The following SLC4A1AP variants were observed in gnomAD, a reference collection of about 807,000 sequenced individuals.
The protein encoded by SLC4A1AP is kanadaptin.
A neutral mutation model predicts 89.7 loss-of-function variants in SLC4A1AP; 64 were observed. The observed-to-expected ratio is 0.71, with a 90% CI of 0.58 to 0.88. SLC4A1AP has a LOEUF of 0.88. Ranked by LOEUF, SLC4A1AP falls within the 40% of genes least tolerant of loss-of-function variation. SLC4A1AP has a pLI of 0.00. For synonymous variants in SLC4A1AP, 366 were observed against 353.3 expected (o/e 1.04, Z -0.40); for missense variants, 931 against 965.0 (o/e 0.96, Z 0.47).
chr2:27,669,497 G>A (rs938459077), intron 5 of SLC4A1AP, 110 bp downstream of exon 5: 3 of 1,092,138 alleles, frequency 2.7e-6, no homozygotes, highest in African/African-American at 3.2e-5. Flanking sequence ...AAAATTTTTT[G>A]AAGTGAAAAG....
At chr2:27,665,713 T>C (rs896685572) in intron 2 of SLC4A1AP, among the ~76,000 whole-genome samples, 1 of 152,230 alleles carries the variant, frequency 6.6e-6, no homozygotes, top group South Asian at 2.1e-4. Flanking sequence ...TGTGAAGATA[T>C]CCTGAAATGT....
chr2:27,694,190 T>C (rs899706912), intron 13 of SLC4A1AP, among the ~76,000 whole-genome samples: 1 of 152,174 alleles, frequency 6.6e-6, no homozygotes, highest in Admixed American at 6.5e-5. Flanking sequence ...TGGATACTTA[T>C]ATATAAAATG....
intron 10 of SLC4A1AP, among the ~76,000 whole-genome samples, chr2:27,687,619 C>G (rs1225376907): frequency 6.6e-6 from 1 of 151,964 alleles, no homozygotes; most frequent in Admixed American, 6.6e-5. Flanking sequence ...TGGTGGTCAT[C>G]TCTGATTTTT....
chr2:27,683,464 T>G (rs1183719753), intron 9 of SLC4A1AP, among the ~76,000 whole-genome samples: 1 of 152,212 alleles, frequency 6.6e-6, no homozygotes, highest in Non-Finnish European at 1.5e-5. Context: ...GGCTGCCCTC[T>G]TGCTGGCTCT....
chr2:27,682,482 C>CTTGGTATG, intron 9 of SLC4A1AP, 123 bp downstream of exon 9: 1 of 565,042 alleles, frequency 1.8e-6, no homozygotes, highest in Non-Finnish European at 3.1e-6. Flanking sequence ...GGGCTGTGGG[C>CTTGGTATG]TTGGTATGAT....
intron 2 of SLC4A1AP, among the ~76,000 whole-genome samples, chr2:27,665,896 C>A (rs577678648): frequency 1.3e-5 from 2 of 152,154 alleles, no homozygotes; most frequent in South Asian, 4.1e-4. Context: ...TGCTAAGTGC[C>A]AAACAAAAGC....
intron 12 of SLC4A1AP, among the ~76,000 whole-genome samples, chr2:27,691,122 T>C (rs1675780364): frequency 6.6e-6 from 1 of 152,178 alleles, no homozygotes; most frequent in Non-Finnish European, 1.5e-5. Flanking sequence ...TGGTACCAAT[T>C]CTTCCTTGAA....
intron 8 of SLC4A1AP, among the ~76,000 whole-genome samples, chr2:27,681,804 C>T (rs1366753963): frequency 6.6e-6 from 1 of 152,128 alleles, no homozygotes; most frequent in Non-Finnish European, 1.5e-5. Context: ...ATACTGTACC[C>T]CCATCCCCAT....
intron 5 of SLC4A1AP, 52 bp from the exon 6 acceptor site, chr2:27,675,480 T>C: frequency 1.5e-6 from 2 of 1,346,232 alleles, no homozygotes; most frequent in Non-Finnish European, 2.0e-6. Flanking sequence ...CCTTCTTTCT[T>C]TTTCTTTTCT....
At chr2:27,670,198 G>A (rs536355195) in intron 5 of SLC4A1AP, among the ~76,000 whole-genome samples, 3 of 149,072 alleles carry the variant, frequency 2.0e-5, no homozygotes, top group South Asian at 2.1e-4. Flanking sequence ...AGGTTTCACC[G>A]TGTTGACCAG....
exon 5 of SLC4A1AP, chr2:27,669,272 A>G: frequency 1.2e-6 from 2 of 1,612,358 alleles, no homozygotes; most frequent in Non-Finnish European, 1.7e-6. Context: ...ATTCAACTGG[A>G]AAACAACTGG....
At position 27,664,077 on chromosome 2, in the gene SLC4A1AP, C is replaced by T. The variant is rs1339061099; in HGVS notation, c.325C>T (p.Gln109Ter). 5 of 1,614,086 alleles carry T rather than the reference C, an allele frequency of 3.1e-6. No individual in the cohort carries two copies. In the African/African-American group the frequency reaches 5.3e-5, roughly 17 times the overall value. Reference sequence around the variant, plus strand: ...ACAGAAGGAAGGGCCCACTGCGTTGCAGGACTCCAATTCTGGGGAGCCCGA... The same window carrying T: ...ACAGAAGGAAGGGCCCACTGCGTTGTAGGACTCCAATTCTGGGGAGCCCGA... The change falls in exon 1 of 14, where the codon CAG becomes TAG. Residue 109 changes from glutamine (Q) to a stop codon, truncating the protein, a stop_gained. Coordinates refer to ENST00000613058, the Ensembl canonical transcript of SLC4A1AP. LOFTEE classifies it high-confidence loss of function.
At chr2:27,669,625 T>C (rs1675389001) in intron 5 of SLC4A1AP, among the ~76,000 whole-genome samples, 1 of 152,104 alleles carries the variant, frequency 6.6e-6, no homozygotes, top group African/African-American at 2.4e-5. Context: ...CATACACAAA[T>C]GTAGTCATAT....
exon 12 of SLC4A1AP, chr2:27,688,725 C>G (rs780856889): frequency 6.2e-7 from 1 of 1,603,600 alleles, no homozygotes; most frequent in African/African-American, 1.4e-5. Flanking sequence ...ATGAGAAAAG[C>G]AGAGGTGAAT....
intron 6 of SLC4A1AP, among the ~76,000 whole-genome samples, chr2:27,676,701 G>A (rs935279616): frequency 2.6e-5 from 4 of 151,692 alleles, no homozygotes; most frequent in Admixed American, 2.0e-4. Flanking sequence ...GTGGTGGTGT[G>A]TGCCTGTAGT....
intron 5 of SLC4A1AP, among the ~76,000 whole-genome samples, chr2:27,675,168 A>G (rs920152933): frequency 1.3e-5 from 2 of 152,230 alleles, no homozygotes; most frequent in African/African-American, 4.8e-5. Context: ...TTATGGAACC[A>G]TCAACACTGT....
chr2:27,671,910 T>G (rs115986812), intron 5 of SLC4A1AP, among the ~76,000 whole-genome samples: 3,669 of 152,300 alleles, frequency 0.024, 151 homozygotes, highest in African/African-American at 0.084. Context: ...TCTGAAAATA[T>G]AATTATTGTA....
At chr2:27,673,269 A>G (rs878858004) in intron 5 of SLC4A1AP, among the ~76,000 whole-genome samples, 2 of 151,200 alleles carry the variant, frequency 1.3e-5, no homozygotes, top group African/African-American at 4.9e-5. Flanking sequence ...TCTACTTTCT[A>G]ATTTTCTAAA....
chr2:27,669,260 C>T lies in SLC4A1AP; in HGVS notation c.1218C>T (p.Asp406=), dbSNP rs146952300. ...CAAATCAATGAAGATTACCTGTGGA[C>T]GATTCAACTGGAAAACAACTGGTGG... The change falls in exon 5 of 14, where the codon GAC becomes GAT. Residue 406 remains aspartate, a synonymous_variant. Transcript: ENST00000613058. The T allele has an allele frequency of 1.2e-4, 196 of 1,610,556 alleles. No homozygotes were observed. The African/African-American group carries it at 1.6e-3, about 13-fold the overall frequency.
Sources: gnomAD v4.1 joint callset for allele counts (sites outside exome capture counted in the v4.1 genomes callset) on GRCh38, gnomAD v4.1.1 for gene constraint, MANE v1.5 for transcripts, NCBI Gene and HGNC (gene_info 2026-07-23, HGNC 2026-07-21) for gene names.